The following CLASP2 variants were observed in gnomAD, a reference collection of about 807,000 sequenced individuals.
The protein encoded by CLASP2 is CLIP-associating protein 2.
Under a neutral mutation model 194.4 loss-of-function variants are expected in CLASP2, and 47 were observed. That is an observed-to-expected ratio of 0.24 (90% CI 0.19 to 0.31). The LOEUF is 0.31. CLASP2 is among the 10% of genes least tolerant of loss of function. The pLI is 1.00. For synonymous variants in CLASP2, 619 were observed against 633.5 expected, an observed-to-expected ratio of 0.98 and a Z score of 0.34; for missense variants, 1,445 against 1,823.6, an observed-to-expected ratio of 0.79 and a Z score of 3.78.
chr3:33,587,833 A>G (rs996849538), intron 21 of CLASP2, among the ~76,000 whole-genome samples: 1 of 152,228 alleles, frequency 6.6e-6, no homozygotes, highest in African/African-American at 2.4e-5. Context: ...AGATAGGCCA[A>G]TGGAATGTTT....
rs1473085741 is a variant in CLASP2, at chr3:33,592,394, C to T, written c.2068+1G>A. ...TAGGAGGGCTGATAAGCAATACATA[C>T]GCTGTGATTGAGACACCATTTTTGT... On this transcript the variant is annotated splice_donor_variant, in intron 21 of 38. Coordinates refer to ENST00000682230, the MANE Select transcript of CLASP2 (RefSeq NM_001365631.1). LOFTEE classifies it high-confidence loss of function. 3 of 1,603,886 alleles carry T rather than the reference C, an allele frequency of 1.9e-6. No homozygotes were observed. Among genetic ancestry groups the T allele is most frequent in the Non-Finnish European group, 2.6e-6 (3 of 1,171,536 alleles).
At chr3:33,631,419 GGT>G (rs2079058240) in intron 9 of CLASP2, among the ~76,000 whole-genome samples, 1 of 152,192 alleles carries the variant, frequency 6.6e-6, no homozygotes, top group South Asian at 2.1e-4. Context: ...ATTGCAGGCT[GGT>G]GTGGTGGCTC....
intron 17 of CLASP2, among the ~76,000 whole-genome samples, chr3:33,603,770 G>A (rs181373124): frequency 1.1e-3 from 163 of 152,120 alleles, no homozygotes; most frequent in African/African-American, 3.8e-3. Context: ...TTATGGGCAC[G>A]TGCCACCATG....
rs1463936954 is a variant in CLASP2, at chr3:33,497,633, T to A, written c.*998A>T. On this transcript the variant is annotated 3_prime_UTR_variant, in exon 39 of 39. Coordinates refer to ENST00000682230, the MANE Select transcript of CLASP2 (RefSeq NM_001365631.1). ...GGATCAATATTTTCAAGTAAGACAATTTCATGGTAAAAGGAAACCAGGTTC... is the reference window on the plus strand; with the variant it reads ...GGATCAATATTTTCAAGTAAGACAAATTCATGGTAAAAGGAAACCAGGTTC... The A allele has an allele frequency of 1.3e-5, 2 of 152,564 alleles. No homozygotes were observed. The highest frequency in any genetic ancestry group is 1.5e-5 in the Non-Finnish European group (1 of 68,010). 9.5% of individuals were successfully genotyped at this position (152,564 alleles called of 1,614,324 possible). A position where few individuals can be genotyped will look rare whatever the true frequency, so the allele number is the denominator to read the frequency against.
chr3:33,549,664 T>C (rs1217195037), intron 30 of CLASP2, among the ~76,000 whole-genome samples: 1 of 152,122 alleles, frequency 6.6e-6, no homozygotes, highest in African/African-American at 2.4e-5. Flanking sequence ...TTGAGAAGAA[T>C]ATTCTGCTGT....
At position 33,608,423 on chromosome 3, in the gene CLASP2, C is replaced by A. The variant is rs567063196; in HGVS notation, c.1448+144G>T. On this transcript the variant is annotated intron_variant, in intron 14 of 38. Coordinates refer to ENST00000682230, the MANE Select transcript of CLASP2 (RefSeq NM_001365631.1). Reference sequence around the variant, plus strand: ...ATGGTTGTAATGAGTAAGAGGAGCACAACACCACCACAGCTTTAAAGGAAA... The same window carrying A: ...ATGGTTGTAATGAGTAAGAGGAGCAAAACACCACCACAGCTTTAAAGGAAA... The A allele has an allele frequency of 1.3e-5, 9 of 687,814 alleles. No homozygotes were observed. In the East Asian group the frequency reaches 2.5e-4, roughly 19 times the overall value. The allele number at this position is 687,814 out of a possible 1,614,324, so 42.6% of individuals were successfully genotyped here.
intron 1 of CLASP2, among the ~76,000 whole-genome samples, chr3:33,710,156 T>C (rs1223010310): frequency 1.3e-5 from 2 of 152,162 alleles, no homozygotes; most frequent in Non-Finnish European, 2.9e-5. Flanking sequence ...ACAGAAAGCA[T>C]GATTCCTAAT....
At chr3:33,631,149 T>G (rs1352495927) in intron 9 of CLASP2, among the ~76,000 whole-genome samples, 1 of 152,134 alleles carries the variant, frequency 6.6e-6, no homozygotes, top group Non-Finnish European at 1.5e-5. Flanking sequence ...TGAGAATATT[T>G]TCAAATAGAC....
chr3:33,668,208 G>A (rs2086549007), intron 6 of CLASP2, among the ~76,000 whole-genome samples: 1 of 152,182 alleles, frequency 6.6e-6, no homozygotes, highest in African/African-American at 2.4e-5. Context: ...GACAGTGCGA[G>A]ACTCCAACTC....
chr3:33,669,139 G>C (rs115651346), intron 6 of CLASP2, among the ~76,000 whole-genome samples: 2 of 152,128 alleles, frequency 1.3e-5, no homozygotes, highest in Admixed American at 6.5e-5. Flanking sequence ...GCACATATGT[G>C]CACACTTAAT....
intron 7 of CLASP2, among the ~76,000 whole-genome samples, chr3:33,655,561 T>A (rs1559545714): frequency 6.6e-6 from 1 of 152,188 alleles, no homozygotes; most frequent in Non-Finnish European, 1.5e-5. Context: ...TTTCCCTCTA[T>A]CAATGTCCCT....
chr3:33,588,049 T>G (rs1051068187), intron 21 of CLASP2, among the ~76,000 whole-genome samples: 11 of 152,210 alleles, frequency 7.2e-5, no homozygotes, highest in African/African-American at 2.2e-4. Flanking sequence ...CTAGATTTAC[T>G]GAATTTATTA....
intron 31 of CLASP2, 79 bp from the exon 32 acceptor site, chr3:33,543,618 C>T: frequency 1.2e-6 from 1 of 833,830 alleles, no homozygotes; most frequent in Non-Finnish European, 2.1e-6. Flanking sequence ...GCCACACAAA[C>T]ATTAGGTTGA....
chr3:33,592,197 A>G, intron 21 of CLASP2, 198 bp downstream of exon 21: 1 of 705,638 alleles, frequency 1.4e-6, no homozygotes, highest in Admixed American at 2.0e-5. Flanking sequence ...CTGATCCAAA[A>G]CATTGAAAAA....
chr3:33,550,013 C>T lies in CLASP2; in HGVS notation c.3153+1239G>A, dbSNP rs189073641. 2.8e-3 allele frequency among the ~76,000 whole-genome samples: 432 copies of T among 152,120 alleles called. 1 individual carries two copies. The highest frequency in any genetic ancestry group is 9.9e-3 in the African/African-American group (411 of 41,506). ...CAGCCTACCATGTTGAGATTACAGG[C>T]GTGAGCCACTGCGTCCGGCCTATGT... On this transcript the variant is annotated intron_variant, in intron 30 of 38. Coordinates refer to ENST00000682230, the MANE Select transcript of CLASP2 (RefSeq NM_001365631.1).
chr3:33,604,326 TTTTTTTTTTG>T (rs1560267058), intron 16 of CLASP2, 117 bp from the exon 17 acceptor site: 1 of 728,804 alleles, frequency 1.4e-6, no homozygotes, highest in South Asian at 1.8e-5. Context: ...TTTTCTTTTT[TTTTTTTTTTG>T]AGACAGAGTC....
At chr3:33,544,536 T>C (rs1312808650) in intron 31 of CLASP2, among the ~76,000 whole-genome samples, 162 bp downstream of exon 31, 1 of 152,232 alleles carries the variant, frequency 6.6e-6, no homozygotes, top group Admixed American at 6.5e-5. Context: ...ATAGGGACTC[T>C]GTTCTTTCCA....
At chr3:33,663,354 ACT>A (rs1381426739) in intron 7 of CLASP2, 89 bp downstream of exon 7, 1 of 820,150 alleles carries the variant, frequency 1.2e-6, no homozygotes, top group Non-Finnish European at 1.9e-6. Flanking sequence ...CACAAAATCA[ACT>A]CTTTTGAATC....
At chr3:33,559,693 G>C (rs1174616388) in intron 28 of CLASP2, among the ~76,000 whole-genome samples, 1 of 152,122 alleles carries the variant, frequency 6.6e-6, no homozygotes, top group Non-Finnish European at 1.5e-5. Context: ...TCAGGAGTTC[G>C]AGACCAGCGT....
Sources: allele counts gnomAD v4.1 joint callset (sites outside exome capture counted in the v4.1 genomes callset), GRCh38; gene constraint gnomAD v4.1.1; transcripts MANE v1.5; gene names NCBI Gene and HGNC (gene_info 2026-07-23, HGNC 2026-07-21).